GRM5: variants seen among roughly 807,000 people sequenced by gnomAD.
GRM5 encodes the protein glutamate metabotropic receptor 5.
GRM5 carries 19 observed loss-of-function variants against 83.1 expected under a neutral mutation model. That is an observed-to-expected ratio of 0.23 (90% confidence interval 0.16 to 0.34). The LOEUF (loss-of-function observed/expected upper bound fraction) is 0.34, where lower values mean the gene tolerates loss of function less well. Among genes scored for constraint, GRM5 ranks in the 10% least tolerant of loss-of-function variants. GRM5 has a pLI of 1.00. For synonymous variants in GRM5, 675 were observed against 633.6 expected (o/e 1.07, Z -0.98); for missense variants, 1,160 against 1,588.3 (o/e 0.73, Z 4.58).
chr11:88,764,057 A>C (rs1942580424), intron 3 of GRM5, among the ~76,000 whole-genome samples: 1 of 151,758 alleles, frequency 6.6e-6, no homozygotes, highest in South Asian at 2.1e-4. Flanking sequence ...ACCAAAAGAC[A>C]GAAAATATTA....
At chr11:88,708,844 T>C (rs1037865825) in intron 3 of GRM5, among the ~76,000 whole-genome samples, 2 of 152,104 alleles carry the variant, frequency 1.3e-5, no homozygotes, top group Non-Finnish European at 2.9e-5. Context: ...ATATCTCTTT[T>C]GCTAATTGGA....
chr11:88,754,953 C>T (rs1942365373), intron 3 of GRM5, among the ~76,000 whole-genome samples: 1 of 151,930 alleles, frequency 6.6e-6, no homozygotes, highest in African/African-American at 2.4e-5. Flanking sequence ...CAGCTCTGAA[C>T]AATTTTACAA....
intron 2 of GRM5, among the ~76,000 whole-genome samples, chr11:89,018,502 T>G (rs1325550608): frequency 6.6e-6 from 1 of 152,208 alleles, no homozygotes; most frequent in African/African-American, 2.4e-5. Flanking sequence ...TAACATTGAT[T>G]TATTCAATAT....
chr11:88,640,383 C>G (rs1025617834), intron 4 of GRM5, among the ~76,000 whole-genome samples: 1 of 152,112 alleles, frequency 6.6e-6, no homozygotes, highest in East Asian at 1.9e-4. Flanking sequence ...AACTTGAACT[C>G]TACTTTTTCT....
chr11:88,793,505 C>A (rs1298932699), intron 3 of GRM5, among the ~76,000 whole-genome samples: 3 of 152,024 alleles, frequency 2.0e-5, no homozygotes, highest in Non-Finnish European at 4.4e-5. Context: ...TTTGCATATT[C>A]TGAGGAAGGT....
chr11:88,814,398 G>A (rs112055756), intron 3 of GRM5, among the ~76,000 whole-genome samples: 3 of 152,252 alleles, frequency 2.0e-5, no homozygotes, highest in African/African-American at 7.2e-5. Flanking sequence ...ATGTGAGTTA[G>A]CCATTACAGC....
chr11:88,689,602 T>A (rs1940729251), intron 3 of GRM5, among the ~76,000 whole-genome samples: 1 of 152,248 alleles, frequency 6.6e-6, no homozygotes, highest in Admixed American at 6.5e-5. Flanking sequence ...TAGATGCTGA[T>A]CTTAGACAGT....
At chr11:88,940,956 G>A (rs1349562076) in intron 2 of GRM5, among the ~76,000 whole-genome samples, 1 of 151,972 alleles carries the variant, frequency 6.6e-6, no homozygotes, top group East Asian at 1.9e-4. Context: ...GTGACAATGT[G>A]TTAAGTGCAT....
chr11:88,986,523 T>G (rs1939716214), intron 2 of GRM5, among the ~76,000 whole-genome samples: 1 of 151,702 alleles, frequency 6.6e-6, no homozygotes, highest in Non-Finnish European at 1.5e-5. Flanking sequence ...TTTATTCAAC[T>G]CTTTTGCTCA....
At chr11:88,649,274 AT>A (rs1156855341) in intron 4 of GRM5, among the ~76,000 whole-genome samples, 843 of 32,202 alleles carry the variant, frequency 0.026, 11 homozygotes, top group East Asian at 0.24. Flanking sequence ...TATATTATAT[AT>A]TATATATATG....
chr11:89,064,888 C>CTCTCTCTCTGTG (rs1218318990), intron 1 of GRM5, among the ~76,000 whole-genome samples: 2 of 62,212 alleles, frequency 3.2e-5, no homozygotes, highest in African/African-American at 1.4e-4. Flanking sequence ...CTCTCTCTCT[C>CTCTCTCTCTGTG]TGTGTGTGTG....
chr11:88,659,648 G>T (rs1939853405), intron 3 of GRM5, among the ~76,000 whole-genome samples: 1 of 152,104 alleles, frequency 6.6e-6, no homozygotes, highest in Non-Finnish European at 1.5e-5. Flanking sequence ...AATAGTTATA[G>T]TTATAAAATA....
At chr11:88,759,576 G>C (rs539458379) in intron 3 of GRM5, among the ~76,000 whole-genome samples, 1 of 152,092 alleles carries the variant, frequency 6.6e-6, no homozygotes. Flanking sequence ...GATTCATAAA[G>C]CAAGTTCTTA....
chr11:88,649,276 T>C (rs1260127175), intron 4 of GRM5, among the ~76,000 whole-genome samples: 1 of 19,252 alleles, frequency 5.2e-5, no homozygotes, highest in Non-Finnish European at 2.6e-4. Context: ...TATTATATAT[T>C]ATATATATGT....
intron 2 of GRM5, among the ~76,000 whole-genome samples, chr11:88,979,608 ACTAT>A (rs1291044286): frequency 2.0e-5 from 3 of 151,990 alleles, no homozygotes; most frequent in Non-Finnish European, 4.4e-5. Flanking sequence ...GGCCCATCTT[ACTAT>A]TTGTAGAAAA....
intron 7 of GRM5, among the ~76,000 whole-genome samples, chr11:88,577,673 A>G (rs1203619765): frequency 1.3e-5 from 2 of 152,106 alleles, no homozygotes; most frequent in Non-Finnish European, 2.9e-5. Context: ...TAAGGAAACT[A>G]TTTTCTGTTG....
intron 2 of GRM5, among the ~76,000 whole-genome samples, chr11:88,861,111 G>T (rs1407303961): frequency 6.6e-6 from 1 of 151,840 alleles, no homozygotes; most frequent in Admixed American, 6.6e-5. Flanking sequence ...TATAAATATA[G>T]CTAGCATTAC....
At chr11:88,935,860 G>T (rs1209919326) in intron 2 of GRM5, among the ~76,000 whole-genome samples, 2 of 151,856 alleles carry the variant, frequency 1.3e-5, no homozygotes, top group African/African-American at 4.8e-5. Flanking sequence ...TCTGAAAAGA[G>T]AATATTGCCT....
At position 88,814,161 on chromosome 11, in the gene GRM5, A is replaced by G. The variant is rs2135500764; in HGVS notation, c.911+35745T>C. On this transcript the variant is annotated intron_variant, in intron 3 of 9. Transcript: ENST00000305447. ...AAAACAATAGTTTTCAAGAAATACA[A>G]TATTGAACAATGTAGGAGAGTAATC... 2.0e-5 allele frequency among the ~76,000 whole-genome samples: 3 copies of G among 152,322 alleles called. No individual in the cohort carries two copies. In the South Asian group the frequency reaches 6.2e-4, roughly 32 times the overall value.
Sources: gnomAD v4.1 joint callset for allele counts (sites outside exome capture counted in the v4.1 genomes callset) on GRCh38, gnomAD v4.1.1 for gene constraint, MANE v1.5 for transcripts, NCBI Gene and HGNC (gene_info 2026-07-23, HGNC 2026-07-21) for gene names.